PAM: variants seen among roughly 807,000 people sequenced by gnomAD.
The protein encoded by PAM is peptidylglycine alpha-amidating monooxygenase, also known as peptidyl-glycine alpha-amidating monooxygenase.
Under a neutral mutation model 122.1 loss-of-function variants are expected in PAM, and 72 were observed. The observed-to-expected ratio is 0.59, with a 90% CI of 0.49 to 0.72. The LOEUF (loss-of-function observed/expected upper bound fraction) is 0.72, where lower values mean the gene tolerates loss of function less well. Among genes scored for constraint, PAM ranks in the 30% least tolerant of loss-of-function variants. PAM has a pLI of 0.00. For missense variants in PAM, 1,106 were observed against 1,183.7 expected (o/e 0.93, Z 0.96); for synonymous variants, 389 against 404.4 (o/e 0.96, Z 0.46).
chr5:102,936,864 C>T (rs1232382540), intron 7 of PAM, among the ~76,000 whole-genome samples: 1 of 152,104 alleles, frequency 6.6e-6, no homozygotes, highest in South Asian at 2.1e-4. Context: ...AACTGGCGCT[C>T]AAATTTTCCT....
chr5:102,989,787 G>T (rs1278133516), intron 15 of PAM: 2 of 138,336 alleles, frequency 1.4e-5, no homozygotes, highest in East Asian at 2.0e-4. Flanking sequence ...TTACTCAGGA[G>T]ATGATAGATT....
intron 3 of PAM, among the ~76,000 whole-genome samples, chr5:102,898,816 T>TAACAG (rs1457065224): frequency 1.3e-5 from 2 of 151,702 alleles, no homozygotes; most frequent in Non-Finnish European, 3.0e-5. Context: ...CAGCTATCTT[T>TAACAG]CCATAGTAGA....
chr5:102,825,081 C>A (rs258247), intron 1 of PAM, among the ~76,000 whole-genome samples: 103,068 of 152,042 alleles, frequency 0.68, 35,183 homozygotes, highest in South Asian at 0.8. Flanking sequence ...TGTTATGGTA[C>A]CTTTGTAGGC....
intron 16 of PAM, among the ~76,000 whole-genome samples, chr5:102,991,567 C>T (rs933973184): frequency 1.4e-4 from 22 of 152,166 alleles, no homozygotes; most frequent in Middle Eastern, 3.4e-3. Context: ...GGTTCTGTCA[C>T]GTATGCATAT....
chr5:103,000,996 A>C (rs1777223702), intron 16 of PAM, among the ~76,000 whole-genome samples: 1 of 152,214 alleles, frequency 6.6e-6, no homozygotes, highest in African/African-American at 2.4e-5. Flanking sequence ...CCATTAAAAA[A>C]TACACCACAC....
intron 1 of PAM, among the ~76,000 whole-genome samples, chr5:102,823,874 T>A (rs1172482322): frequency 6.6e-6 from 1 of 152,216 alleles, no homozygotes; most frequent in Non-Finnish European, 1.5e-5. Context: ...GGGAACTAAC[T>A]GTATCTCAAA....
At chr5:102,982,477 A>G (rs1013649058) in intron 15 of PAM, among the ~76,000 whole-genome samples, 2 of 152,306 alleles carry the variant, frequency 1.3e-5, no homozygotes, top group East Asian at 3.9e-4. Context: ...AGGGGCCTAA[A>G]GCCTGTCATG....
intron 7 of PAM, among the ~76,000 whole-genome samples, chr5:102,931,939 T>C (rs561357490): frequency 6.6e-6 from 1 of 152,270 alleles, no homozygotes; most frequent in Non-Finnish European, 1.5e-5. Context: ...TTTGCTTTCC[T>C]TAGAGTGGGT....
At chr5:103,007,188 T>TACAC (rs1247892849) in intron 19 of PAM, among the ~76,000 whole-genome samples, 177 bp downstream of exon 19, 2 of 106,456 alleles carry the variant, frequency 1.9e-5, no homozygotes, top group African/African-American at 4.8e-5. Context: ...CACACACATA[T>TACAC]ACATACACAC....
chr5:102,759,422 G>A (rs1751664871), intron 1 of PAM, among the ~76,000 whole-genome samples: 1 of 152,160 alleles, frequency 6.6e-6, no homozygotes, highest in African/African-American at 2.4e-5. Flanking sequence ...AGAGCAGGAG[G>A]GAGAGGCGTG....
intron 7 of PAM, among the ~76,000 whole-genome samples, chr5:102,933,764 A>G (rs1752350674): frequency 2.0e-5 from 3 of 152,356 alleles, no homozygotes; most frequent in East Asian, 3.9e-4. Context: ...TTGTGAGCTC[A>G]GGAAAAATCC....
At chr5:102,951,242 T>A (rs1166408682) in intron 12 of PAM, among the ~76,000 whole-genome samples, 4 of 152,066 alleles carry the variant, frequency 2.6e-5, no homozygotes, top group African/African-American at 9.7e-5. Flanking sequence ...AATTTAATAA[T>A]TTCCAGTTGT....
At chr5:103,022,177 T>C (rs936548657) in intron 23 of PAM, among the ~76,000 whole-genome samples, 1 of 150,934 alleles carries the variant, frequency 6.6e-6, no homozygotes, top group Admixed American at 6.6e-5. Flanking sequence ...AAAACCTCTT[T>C]AGTGCAGTTA....
chr5:102,971,583 G>C (rs998996185), intron 14 of PAM, among the ~76,000 whole-genome samples: 1 of 152,082 alleles, frequency 6.6e-6, no homozygotes, highest in Non-Finnish European at 1.5e-5. Flanking sequence ...TTAGTGGGGA[G>C]GGAGTGGTCC....
intron 12 of PAM, among the ~76,000 whole-genome samples, chr5:102,958,907 C>A (rs930589857): frequency 6.6e-6 from 1 of 151,988 alleles, no homozygotes; most frequent in Non-Finnish European, 1.5e-5. Context: ...TTAGTGTAGG[C>A]TTGCTAAAAA....
intron 15 of PAM, among the ~76,000 whole-genome samples, chr5:102,988,711 GAAAGA>G (rs1035036486): frequency 2.5e-4 from 36 of 145,378 alleles, no homozygotes; most frequent in African/African-American, 7.0e-4. Context: ...GAAAGAGAAA[GAAAGA>G]AAAGAAAAAA....
At chr5:102,872,247 G>A (rs1029352090) in intron 3 of PAM, among the ~76,000 whole-genome samples, 1 of 152,106 alleles carries the variant, frequency 6.6e-6, no homozygotes, top group Non-Finnish European at 1.5e-5. Flanking sequence ...TATATCTATT[G>A]CCAGGAATCA....
intron 14 of PAM, among the ~76,000 whole-genome samples, chr5:102,971,196 G>A (rs1030225403): frequency 4.6e-5 from 7 of 152,198 alleles, no homozygotes. Flanking sequence ...ACCACAGGTT[G>A]AAGCAGATGC....
intron 7 of PAM, among the ~76,000 whole-genome samples, chr5:102,935,251 G>A (rs2151840433): frequency 6.6e-6 from 1 of 151,894 alleles, no homozygotes; most frequent in Middle Eastern, 3.4e-3. Context: ...TATCAGATAT[G>A]TGTATATGTA....
Sources: allele counts gnomAD v4.1 joint callset (sites outside exome capture counted in the v4.1 genomes callset), GRCh38; gene constraint gnomAD v4.1.1; transcripts MANE v1.5; gene names NCBI Gene and HGNC (gene_info 2026-07-23, HGNC 2026-07-21).